COL14A1: variants seen among roughly 807,000 people sequenced by gnomAD.
COL14A1 encodes collagen alpha-1(XIV) chain.
In COL14A1, 136 loss-of-function variants were observed where a neutral mutation model predicts 230.3. The observed-to-expected ratio is 0.59, with a 90% CI of 0.51 to 0.68. COL14A1 has a LOEUF of 0.68. COL14A1 is among the 30% of genes least tolerant of loss of function. The pLI is 0.00. For synonymous variants in COL14A1, 792 were observed against 784.1 expected (o/e 1.01, Z -0.17); for missense variants, 1,976 against 2,215.8 (o/e 0.89, Z 2.17).
At chr8:120,168,821 A>G (rs1816003212) in intron 5 of COL14A1, among the ~76,000 whole-genome samples, 3 of 152,078 alleles carry the variant, frequency 2.0e-5, no homozygotes, top group South Asian at 2.1e-4. Context: ...ATAGTGTTCT[A>G]TGGGATAGAC....
In COL14A1 at chr8:120,225,081, T is replaced by C; in HGVS notation, c.1738-7T>C. ...AGAGCTGTTATTATGACTTATTTCT[T>C]TGACAGGTTGAAGTCGATCCTATTA... On this transcript the variant is annotated splice_region_variant and splice_polypyrimidine_tract_variant and intron_variant, in intron 14 of 47. Transcript: ENST00000297848. 1 of 1,607,862 alleles carries C rather than the reference T, an allele frequency of 6.2e-7. No homozygotes were observed. Among genetic ancestry groups the C allele is most frequent in the Non-Finnish European group, 8.5e-7 (1 of 1,178,368 alleles).
At chr8:120,342,662 G>T (rs1822347680) in intron 44 of COL14A1, among the ~76,000 whole-genome samples, 1 of 152,148 alleles carries the variant, frequency 6.6e-6, no homozygotes, top group Non-Finnish European at 1.5e-5. Flanking sequence ...AAATTCCTTT[G>T]TGTCATTGGT....
chr8:120,296,254 G>A (rs1820528226), intron 34 of COL14A1, among the ~76,000 whole-genome samples: 1 of 151,818 alleles, frequency 6.6e-6, no homozygotes, highest in Admixed American at 6.6e-5. Context: ...AAAATAAGAT[G>A]CTTTGACTTA....
At chr8:120,324,536 T>A (rs578095344) in intron 40 of COL14A1, among the ~76,000 whole-genome samples, 38 of 152,286 alleles carry the variant, frequency 2.5e-4, no homozygotes, top group Admixed American at 1.4e-3. Context: ...ACTAGTCTGC[T>A]TACAGAAGTC....
chr8:120,255,315 G>A lies in COL14A1; in HGVS notation c.2828G>A (p.Arg943His), dbSNP rs201867541. 1.7e-5 allele frequency: 28 copies of A among 1,614,036 alleles called. No individual in the cohort carries two copies. The highest frequency in any genetic ancestry group is 9.9e-5 in the South Asian group (9 of 91,080). ...TTGTGTGCCCACTGGCAGGTACATC[G>A]CCATGCCACAGCCTATAGGGTTGTT... Reference protein sequence around the residue: ...TSLCAHWQVHRHATAYRVVIE... With the variant: ...TSLCAHWQVHHHATAYRVVIE... Residue 943 changes from arginine to histidine, a missense_variant, in exon 23 of 48, where the codon CGC becomes CAC. Coordinates refer to ENST00000297848, the MANE Select transcript of COL14A1 (RefSeq NM_021110.4).
In COL14A1 at chr8:120,345,710, T is replaced by G. The variant is rs1010014923; in HGVS notation, c.5077+147T>G. 5.2e-6 allele frequency: 4 copies of G among 762,174 alleles called. No homozygotes were observed. The African/African-American group carries it at 5.5e-5, about 11-fold the overall frequency. 47.2% of individuals were successfully genotyped at this position (762,174 alleles called of 1,614,324 possible). On this transcript the variant is annotated intron_variant, in intron 45 of 47. Transcript: ENST00000297848. ...ATCTATTCTTCAGTTTCTTGTTTAT[T>G]TATCTCTGAGATTGAGAAAATTGAG... is the stretch of plus-strand genomic sequence containing the variant.
chr8:120,361,777 G>A (rs1442273753), intron 45 of COL14A1, among the ~76,000 whole-genome samples: 2 of 152,170 alleles, frequency 1.3e-5, no homozygotes, highest in African/African-American at 2.4e-5. Flanking sequence ...TCCACAAACA[G>A]CAGAGACTCC....
chr8:120,183,143 A>G (rs1816530344), intron 5 of COL14A1, among the ~76,000 whole-genome samples: 2 of 152,176 alleles, frequency 1.3e-5, no homozygotes, highest in African/African-American at 4.8e-5. Flanking sequence ...AGGGTACATT[A>G]CAGGAGATGG....
chr8:120,170,956 T>C (rs1198414948), intron 5 of COL14A1, among the ~76,000 whole-genome samples: 1 of 152,112 alleles, frequency 6.6e-6, no homozygotes, highest in Non-Finnish European at 1.5e-5. Context: ...ACAGTCATTG[T>C]GTTTTACTTG....
chr8:120,276,781 A>G (rs370883589), intron 26 of COL14A1, among the ~76,000 whole-genome samples: 17 of 152,002 alleles, frequency 1.1e-4, no homozygotes, highest in African/African-American at 3.9e-4. Context: ...ACATGTATAC[A>G]TATGTAACAA....
At chr8:120,358,805 TAA>T (rs1326886554) in intron 45 of COL14A1, among the ~76,000 whole-genome samples, 1 of 152,210 alleles carries the variant, frequency 6.6e-6, no homozygotes, top group Non-Finnish European at 1.5e-5. Context: ...TTAGCTGTGA[TAA>T]AACATTTTTG....
chr8:120,254,745 G>A (rs1164904046), intron 22 of COL14A1, among the ~76,000 whole-genome samples: 2 of 150,606 alleles, frequency 1.3e-5, no homozygotes, highest in Non-Finnish European at 2.9e-5. Flanking sequence ...AGCACTTTGG[G>A]AGGCTGAGGC....
At chr8:120,346,582 T>C (rs1267081070) in intron 45 of COL14A1, among the ~76,000 whole-genome samples, 1 of 152,230 alleles carries the variant, frequency 6.6e-6, no homozygotes, top group Non-Finnish European at 1.5e-5. Context: ...TAACAGGCCT[T>C]GTGTATTTCT....
chr8:120,256,538 A>G (rs941856265), intron 23 of COL14A1, among the ~76,000 whole-genome samples: 3 of 152,182 alleles, frequency 2.0e-5, no homozygotes, highest in Admixed American at 1.3e-4. Flanking sequence ...TCTATGATGT[A>G]AGGATCCTTC....
At position 120,304,427 on chromosome 8, in the gene COL14A1, A is replaced by T. The variant is rs560653454; in HGVS notation, c.4401+3609A>T. On this transcript the variant is annotated intron_variant, in intron 36 of 47. Transcript: ENST00000297848. ...ACACTGCCTTAGCTGTATCCCAGAGATTCTGGTATGTTGTACCTTTGTTCT... is the reference window on the plus strand; with the variant it reads ...ACACTGCCTTAGCTGTATCCCAGAGTTTCTGGTATGTTGTACCTTTGTTCT... 1.2e-4 allele frequency among the ~76,000 whole-genome samples: 19 copies of T among 152,218 alleles called. No individual in the cohort carries two copies. The East Asian group carries it at 3.1e-3, about 25-fold the overall frequency.
chr8:120,316,618 A>G (rs962248041), intron 40 of COL14A1, among the ~76,000 whole-genome samples: 2 of 152,138 alleles, frequency 1.3e-5, no homozygotes, highest in African/African-American at 4.8e-5. Context: ...ATTACATGCT[A>G]TCATGGGAGC....
chr8:120,193,945 C>T (rs779250907), intron 5 of COL14A1, among the ~76,000 whole-genome samples: 57 of 152,140 alleles, frequency 3.7e-4, no homozygotes, highest in Non-Finnish European at 7.2e-4. Context: ...TTCCAGGTGC[C>T]ATCTGTCACC....
At chr8:120,162,635 G>GAT in intron 4 of COL14A1, 66 bp downstream of exon 4, 1 of 1,356,790 alleles carries the variant, frequency 7.4e-7, no homozygotes, top group Non-Finnish European at 9.8e-7. Context: ...TTGAGTCTGT[G>GAT]ATATATATTC....
intron 35 of COL14A1, among the ~76,000 whole-genome samples, chr8:120,300,063 A>G (rs1820662199): frequency 6.6e-6 from 1 of 152,150 alleles, no homozygotes; most frequent in South Asian, 2.1e-4. Flanking sequence ...CTTCCTCTGC[A>G]TTCCAGTAAC....
Sources: gnomAD v4.1 joint callset for allele counts (sites outside exome capture counted in the v4.1 genomes callset) on GRCh38, gnomAD v4.1.1 for gene constraint, MANE v1.5 for transcripts, NCBI Gene and HGNC (gene_info 2026-07-23, HGNC 2026-07-21) for gene names.